Variants in LINGO2 observed in about 807,000 individuals in gnomAD.
LINGO2 encodes leucine rich repeat and Ig domain containing 2, also known as leucine-rich repeat and immunoglobulin-like domain-containing nogo receptor-interacting protein 2.
LINGO2 carries 14 observed loss-of-function variants against 30.6 expected under a neutral mutation model. The observed-to-expected ratio is 0.46, with a 90% CI of 0.30 to 0.72. The LOEUF (loss-of-function observed/expected upper bound fraction) is 0.72, where lower values mean the gene tolerates loss of function less well. LINGO2 is among the 30% of genes least tolerant of loss of function. LINGO2 has a pLI of 0.07. For missense variants in LINGO2, 729 were observed against 751.7 expected (o/e 0.97, Z 0.35); for synonymous variants, 317 against 288.5 (o/e 1.10, Z -1.00).
At chr9:28,890,404 G>C in the LINGO2 span, among the ~76,000 whole-genome samples, 1 of 152,038 alleles carries the variant, frequency 6.6e-6, no homozygotes, top group African/African-American at 2.4e-5. Context: ...ACCAGGGGCA[G>C]CACTGCCATG....
intron 1 of LINGO2, among the ~76,000 whole-genome samples, chr9:28,538,936 G>A (rs1469646997): frequency 6.6e-6 from 1 of 151,724 alleles, no homozygotes; most frequent in Admixed American, 6.6e-5. Flanking sequence ...GGAAAGCATG[G>A]CATAGAAAAA....
chr9:28,073,323 T>C (rs1470162682), intron 4 of LINGO2, among the ~76,000 whole-genome samples: 3 of 152,322 alleles, frequency 2.0e-5, no homozygotes, highest in Non-Finnish European at 2.9e-5. Flanking sequence ...ATAACTAGCC[T>C]ACACCAGTTT....
chr9:28,583,361 G>A (rs1053638074), intron 1 of LINGO2, among the ~76,000 whole-genome samples: 5 of 151,810 alleles, frequency 3.3e-5, no homozygotes, highest in African/African-American at 4.8e-5. Context: ...AAATGAAAAA[G>A]TTCCATTTAC....
At chr9:29,090,878 G>T in the LINGO2 span, among the ~76,000 whole-genome samples, 1 of 151,948 alleles carries the variant, frequency 6.6e-6, no homozygotes, top group African/African-American at 2.4e-5. Flanking sequence ...GTATCTAGGA[G>T]TAACTTACTA....
the LINGO2 span, among the ~76,000 whole-genome samples, chr9:28,861,341 A>AAT: frequency 1.5e-5 from 2 of 131,856 alleles, no homozygotes; most frequent in Non-Finnish European, 3.1e-5. Flanking sequence ...ATATATTATT[A>AAT]ATATATATAC....
At chr9:28,806,790 G>T in the LINGO2 span, among the ~76,000 whole-genome samples, 1 of 151,962 alleles carries the variant, frequency 6.6e-6, no homozygotes, top group Non-Finnish European at 1.5e-5. Context: ...TGGAGCAGCA[G>T]GACCCAGTAT....
chr9:29,113,518 C>T, the LINGO2 span, among the ~76,000 whole-genome samples: 2 of 152,136 alleles, frequency 1.3e-5, no homozygotes, highest in Non-Finnish European at 2.9e-5. Context: ...TGAGGATTCA[C>T]AGAACAAACA....
chr9:28,897,708 T>C, the LINGO2 span, among the ~76,000 whole-genome samples: 1 of 152,146 alleles, frequency 6.6e-6, no homozygotes, highest in Non-Finnish European at 1.5e-5. Context: ...ACAGGGGTTA[T>C]GAGGATTAAT....
intron 4 of LINGO2, among the ~76,000 whole-genome samples, chr9:28,120,702 T>C (rs1027209213): frequency 1.3e-5 from 2 of 152,180 alleles, no homozygotes; most frequent in Non-Finnish European, 2.9e-5. Flanking sequence ...AAAAAATTAA[T>C]AATGAGTGTA....
At chr9:28,844,557 T>G in the LINGO2 span, among the ~76,000 whole-genome samples, 5 of 151,924 alleles carry the variant, frequency 3.3e-5, no homozygotes, top group East Asian at 9.7e-4. Context: ...TTATAAAACA[T>G]TGTTCTTTTC....
chr9:28,981,651 A>G, the LINGO2 span, among the ~76,000 whole-genome samples: 1 of 152,076 alleles, frequency 6.6e-6, no homozygotes, highest in Non-Finnish European at 1.5e-5. Context: ...AATGGTATTG[A>G]ATCCAGATAA....
the LINGO2 span, among the ~76,000 whole-genome samples, chr9:29,179,011 G>T: frequency 1.3e-5 from 2 of 151,208 alleles, no homozygotes; most frequent in African/African-American, 2.4e-5. Flanking sequence ...AGGCTTCTGT[G>T]GCTAGACTCA....
At chr9:28,570,465 T>C (rs995080840) in intron 1 of LINGO2, among the ~76,000 whole-genome samples, 7 of 152,036 alleles carry the variant, frequency 4.6e-5, no homozygotes, top group Middle Eastern at 3.4e-3. Context: ...CCTTTATCTG[T>C]CTATGCGATA....
the LINGO2 span, among the ~76,000 whole-genome samples, chr9:29,107,592 A>T: frequency 6.6e-6 from 1 of 152,114 alleles, no homozygotes; most frequent in South Asian, 2.1e-4. Flanking sequence ...TTAAAGTTTC[A>T]CACCTCTTGT....
intron 4 of LINGO2, among the ~76,000 whole-genome samples, chr9:28,231,152 G>A (rs953656905): frequency 9.6e-5 from 14 of 145,508 alleles, no homozygotes; most frequent in South Asian, 8.5e-4. Flanking sequence ...TCAAGGGTTA[G>A]CTTAAGCCTC....
At chr9:28,167,102 G>A (rs961530700) in intron 4 of LINGO2, among the ~76,000 whole-genome samples, 4 of 150,412 alleles carry the variant, frequency 2.7e-5, no homozygotes, top group African/African-American at 9.8e-5. Flanking sequence ...TCAAGGGAAT[G>A]TATATGCAGA....
At chr9:28,125,336 A>G (rs946848557) in intron 4 of LINGO2, among the ~76,000 whole-genome samples, 2 of 152,216 alleles carry the variant, frequency 1.3e-5, no homozygotes, top group African/African-American at 4.8e-5. Context: ...ATCTAAGTAC[A>G]TCTGTTTATT....
At chr9:28,602,678 A>G (rs1825538653) in intron 1 of LINGO2, among the ~76,000 whole-genome samples, 1 of 152,092 alleles carries the variant, frequency 6.6e-6, no homozygotes, top group East Asian at 1.9e-4. Flanking sequence ...GAAGCTATTC[A>G]GAGAAATAAA....
the LINGO2 span, among the ~76,000 whole-genome samples, chr9:28,780,278 T>A: frequency 2.0e-5 from 3 of 152,190 alleles, no homozygotes; most frequent in South Asian, 2.1e-4. Flanking sequence ...GTTAAAGGTA[T>A]GACACTTTAA....
Sources: gnomAD v4.1 joint callset for allele counts (sites outside exome capture counted in the v4.1 genomes callset) on GRCh38, gnomAD v4.1.1 for gene constraint, MANE v1.5 for transcripts, NCBI Gene and HGNC (gene_info 2026-07-23, HGNC 2026-07-21) for gene names.